The following TNFRSF13B variants were observed in gnomAD, a reference collection of about 807,000 sequenced individuals.
TNFRSF13B encodes tumor necrosis factor receptor superfamily member 13B.
Under a neutral mutation model 24.0 loss-of-function variants are expected in TNFRSF13B, and 34 were observed. That is an observed-to-expected ratio of 1.41 (90% confidence interval 1.08 to 1.88). TNFRSF13B has a LOEUF of 1.88. Among genes scored for constraint, TNFRSF13B ranks in the 40% most tolerant of loss-of-function variants. The pLI, the probability that TNFRSF13B is intolerant of heterozygous loss-of-function variation, is 0.00. For synonymous variants in TNFRSF13B, 173 were observed against 150.3 expected (o/e 1.15, Z -1.10); for missense variants, 415 against 380.8 (o/e 1.09, Z -0.75).
chr17:16,943,338 C>A (rs767520156), intron 3 of TNFRSF13B, among the ~76,000 whole-genome samples: 11 of 152,156 alleles, frequency 7.2e-5, no homozygotes, highest in Non-Finnish European at 1.2e-4. Flanking sequence ...AGCCACAAGC[C>A]CAGGAGGCCT....
intron 3 of TNFRSF13B, 143 bp downstream of exon 3, chr17:16,948,595 G>T: frequency 8.4e-7 from 1 of 1,190,336 alleles, no homozygotes; most frequent in Non-Finnish European, 1.2e-6. Flanking sequence ...TTTTTATCCT[G>T]GGATGATCTC....
chr17:16,969,200 T>C (rs1303514928), intron 1 of TNFRSF13B, among the ~76,000 whole-genome samples: 2 of 152,256 alleles, frequency 1.3e-5, no homozygotes, highest in Admixed American at 1.3e-4. Context: ...TGTAGGTATC[T>C]ATCTACTTAA....
At chr17:16,964,808 C>G (rs150132861) in intron 1 of TNFRSF13B, among the ~76,000 whole-genome samples, 146 of 152,212 alleles carry the variant, frequency 9.6e-4, no homozygotes, top group African/African-American at 3.1e-3. Context: ...GTTCAGTGAC[C>G]CAGAGTGTGC....
intron 1 of TNFRSF13B, among the ~76,000 whole-genome samples, chr17:16,962,822 T>C (rs1275269191): frequency 6.6e-6 from 1 of 151,728 alleles, no homozygotes; most frequent in Non-Finnish European, 1.5e-5. Context: ...CTATCTTGAC[T>C]CCAACTGAAA....
At chr17:16,940,083 A>T in intron 4 of TNFRSF13B, 1 of 1,145,198 alleles carries the variant, frequency 8.7e-7, no homozygotes, top group Non-Finnish European at 1.2e-6. Context: ...CTGCATCTGG[A>T]GAATCCTGGG....
intron 3 of TNFRSF13B, among the ~76,000 whole-genome samples, chr17:16,947,808 A>G (rs2087559255): frequency 6.6e-6 from 1 of 152,270 alleles, no homozygotes; most frequent in African/African-American, 2.4e-5. Context: ...AGAGGACTTA[A>G]AACAGAGTTA....
chr17:16,949,628 A>G (rs1282824980), intron 2 of TNFRSF13B, among the ~76,000 whole-genome samples: 1 of 152,186 alleles, frequency 6.6e-6, no homozygotes, highest in African/African-American at 2.4e-5. Context: ...CTTTGAATGC[A>G]TAAAGAAACC....
chr17:16,940,982 C>G, intron 3 of TNFRSF13B: 1 of 1,029,684 alleles, frequency 9.7e-7, no homozygotes, highest in Non-Finnish European at 1.2e-6. Flanking sequence ...CGCGGATGTC[C>G]AAGTGCCTGA....
At chr17:16,961,345 C>T (rs759675699) in intron 1 of TNFRSF13B, among the ~76,000 whole-genome samples, 12 of 152,152 alleles carry the variant, frequency 7.9e-5, no homozygotes, top group Non-Finnish European at 1.8e-4. Flanking sequence ...ACAGCCCAAT[C>T]GTTTATCAGC....
chr17:16,950,116 G>T, intron 2 of TNFRSF13B, among the ~76,000 whole-genome samples: 1 of 152,252 alleles, frequency 6.6e-6, no homozygotes, highest in Admixed American at 6.5e-5. Context: ...AAATAAATAT[G>T]TATAAATAAA....
intron 3 of TNFRSF13B, among the ~76,000 whole-genome samples, chr17:16,943,925 C>T (rs770331876): frequency 2.6e-5 from 4 of 152,326 alleles, no homozygotes; most frequent in African/African-American, 9.6e-5. Context: ...CTCCTCGCGT[C>T]GGCCTGGAGT....
rs1567649921 is a variant in TNFRSF13B, at chr17:16,940,593, C to T, written c.446-82G>A. ...GCTCAAGCAATCCACATCCCCCCATCCCCCTGCTGTGAGCCTGTCTGGCTC... is the reference window on the plus strand; with the variant it reads ...GCTCAAGCAATCCACATCCCCCCATTCCCCTGCTGTGAGCCTGTCTGGCTC... On this transcript the variant is annotated intron_variant, in intron 3 of 4. Coordinates refer to ENST00000261652, the MANE Select transcript of TNFRSF13B (RefSeq NM_012452.3). 7 of 1,548,238 alleles carry T rather than the reference C, an allele frequency of 4.5e-6. No homozygotes were observed. The South Asian group carries it at 7.1e-5, about 16-fold the overall frequency.
intron 1 of TNFRSF13B, among the ~76,000 whole-genome samples, chr17:16,961,371 G>T (rs1281642196): frequency 6.6e-6 from 1 of 152,176 alleles, no homozygotes; most frequent in Non-Finnish European, 1.5e-5. Context: ...AATGGACAAA[G>T]AAAATATGTT....
intron 1 of TNFRSF13B, among the ~76,000 whole-genome samples, chr17:16,957,582 G>GAGA (rs1445965356): frequency 1.3e-5 from 2 of 152,144 alleles, no homozygotes; most frequent in African/African-American, 4.8e-5. Flanking sequence ...CAAGGCCAGA[G>GAGA]AGAATTGTGA....
chr17:16,947,180 G>A (rs577020840), intron 3 of TNFRSF13B, among the ~76,000 whole-genome samples: 8 of 152,236 alleles, frequency 5.3e-5, no homozygotes, highest in South Asian at 4.1e-4. Context: ...ACCACAGGCC[G>A]ATATCCCTGA....
rs1567649353 is a variant in TNFRSF13B, at chr17:16,939,482, ACCTCTCTTTCTCTCTCCCCT to A, written c.*45_*64del. On this transcript the variant is annotated 3_prime_UTR_variant, in exon 5 of 5. Transcript: ENST00000261652. ...CCTCATATCTCTCTCCCCTCTCCCC[ACCTCTCTTTCTCTCTCCCCT>A]CCTCTCCATCTCTCTCCCTCCTCCT... The A allele has an allele frequency of 9.3e-6, 13 of 1,392,078 alleles. No individual in the cohort carries two copies. Among genetic ancestry groups the A allele is most frequent in the Non-Finnish European group, 1.2e-5 (13 of 1,047,896 alleles). 86.2% of individuals were successfully genotyped at this position (1,392,078 alleles called of 1,614,324 possible).
intron 1 of TNFRSF13B, among the ~76,000 whole-genome samples, chr17:16,958,654 G>A (rs1043903078): frequency 2.0e-5 from 3 of 152,028 alleles, no homozygotes; most frequent in Admixed American, 1.3e-4. Flanking sequence ...GCAAAAGAGA[G>A]CTGGGGCAGC....
intron 1 of TNFRSF13B, among the ~76,000 whole-genome samples, chr17:16,957,272 T>G (rs1224606877): frequency 6.6e-6 from 1 of 150,678 alleles, no homozygotes; most frequent in Non-Finnish European, 1.5e-5. Context: ...TATCGCAAAT[T>G]TAAGCAAGCA....
intron 1 of TNFRSF13B, among the ~76,000 whole-genome samples, chr17:16,963,627 G>A (rs1231276918): frequency 6.6e-6 from 1 of 152,166 alleles, no homozygotes; most frequent in Admixed American, 6.5e-5. Context: ...TCGGCTCACT[G>A]CAAGCTCCAC....
Sources: gnomAD v4.1 joint callset for allele counts (sites outside exome capture counted in the v4.1 genomes callset) on GRCh38, gnomAD v4.1.1 for gene constraint, MANE v1.5 for transcripts, NCBI Gene and HGNC (gene_info 2026-07-23, HGNC 2026-07-21) for gene names.